Variants in GNAL observed in about 807,000 individuals in gnomAD.
GNAL encodes G protein subunit alpha L.
A neutral mutation model predicts 55.1 loss-of-function variants in GNAL; 18 were observed. The observed-to-expected ratio is 0.33, with a 90% CI of 0.23 to 0.48. The LOEUF (loss-of-function observed/expected upper bound fraction) is 0.48. GNAL is among the 20% of genes least tolerant of loss of function. The probability of loss-of-function intolerance (pLI) is 0.99; values close to 1 mark genes in which losing one functional copy is unlikely to be tolerated. For missense variants in GNAL, 412 were observed against 614.1 expected, an observed-to-expected ratio of 0.67 and a Z score of 3.48; for synonymous variants, 253 against 237.0, an observed-to-expected ratio of 1.07 and a Z score of -0.62.
At chr18:11,746,987 A>G in intron 1 of GNAL, 2 of 516,284 alleles carry the variant, frequency 3.9e-6, no homozygotes. Context: ...TTGGAAGAAC[A>G]CAGATAGCAT....
At chr18:11,771,406 A>G (rs1246386487) in intron 4 of GNAL, among the ~76,000 whole-genome samples, 1 of 152,100 alleles carries the variant, frequency 6.6e-6, no homozygotes, top group Non-Finnish European at 1.5e-5. Flanking sequence ...TTTTATATGA[A>G]CAGGCATTTC....
chr18:11,745,301 ATAATGG>A (rs2032665818), intron 1 of GNAL, among the ~76,000 whole-genome samples: 1 of 152,134 alleles, frequency 6.6e-6, no homozygotes, highest in Non-Finnish European at 1.5e-5. Flanking sequence ...GAGGCTCCTT[ATAATGG>A]GAAACAAATT....
At chr18:11,805,536 T>G (rs2034636839) in intron 4 of GNAL, among the ~76,000 whole-genome samples, 1 of 152,098 alleles carries the variant, frequency 6.6e-6, no homozygotes, top group Non-Finnish European at 1.5e-5. Context: ...GAGTCTCCTG[T>G]GTCCATCATT....
intron 4 of GNAL, among the ~76,000 whole-genome samples, chr18:11,820,444 G>T (rs1385619770): frequency 6.6e-6 from 1 of 152,050 alleles, no homozygotes; most frequent in Non-Finnish European, 1.5e-5. Context: ...TTGAGATAAT[G>T]GTATTACGGC....
At chr18:11,829,881 A>G (rs1458980687) in intron 5 of GNAL, among the ~76,000 whole-genome samples, 2 of 152,070 alleles carry the variant, frequency 1.3e-5, no homozygotes, top group African/African-American at 2.4e-5. Context: ...ATGGTGGCAC[A>G]CACCTGTAAT....
chr18:11,871,924 A>G (rs1463062922), intron 9 of GNAL, among the ~76,000 whole-genome samples: 1 of 152,192 alleles, frequency 6.6e-6, no homozygotes, highest in Admixed American at 6.5e-5. Context: ...TGTTTTTTGG[A>G]ATAGTTGCAT....
chr18:11,745,287 G>A lies in GNAL; in HGVS notation c.377-7566G>A, dbSNP rs555213838. 1.9e-4 allele frequency among the ~76,000 whole-genome samples: 29 copies of A among 152,210 alleles called. No individual in the cohort carries two copies. In the South Asian group the frequency reaches 5.6e-3, roughly 29 times the overall value. On this transcript the variant is annotated intron_variant, in intron 1 of 11. Transcript: ENST00000334049. ...AGTTGTTAATTAAATTTCTGCAGGGGTGGGAGGCTCCTTATAATGGGAAAC... is the reference window on the plus strand; with the variant it reads ...AGTTGTTAATTAAATTTCTGCAGGGATGGGAGGCTCCTTATAATGGGAAAC...
Position 11,751,643 on chromosome 18 carries a change from A to T in GNAL, c.377-1210A>T. 2 of 985,424 alleles carry T rather than the reference A, an allele frequency of 2.0e-6. No homozygotes were observed. The highest frequency in any genetic ancestry group is 9.4e-5 in the South Asian group (2 of 21,292). 61.0% of individuals were successfully genotyped at this position (985,424 alleles called of 1,614,324 possible). ...ACGCACTTTCCCGGCTCGGGGTGCA[A>T]GAGAGCCAGGCGGCCGCGGCGCAGC... On this transcript the variant is annotated intron_variant, in intron 1 of 11. Transcript: ENST00000334049. This position sits in a 1 kb window ranked among gnomAD's most constrained non-coding sequence, Gnocchi z 4.5.
intron 5 of GNAL, among the ~76,000 whole-genome samples, chr18:11,827,975 A>G (rs1234920074): frequency 4.4e-5 from 3 of 68,808 alleles, no homozygotes; most frequent in Admixed American, 3.3e-4. Flanking sequence ...CGTCTCAAGG[A>G]AAAAAAAAAA....
intron 4 of GNAL, among the ~76,000 whole-genome samples, chr18:11,793,651 C>T (rs2034296429): frequency 2.8e-5 from 4 of 140,868 alleles, no homozygotes; most frequent in South Asian, 2.2e-4. Flanking sequence ...AGGGGCCAGG[C>T]GCAGTGGCTC....
rs374545648 is a variant in GNAL at position 11,740,718 on chromosome 18, C to T, written c.377-12135C>T. Among the ~76,000 whole-genome samples the T allele has an allele frequency of 2.2e-4, 33 of 152,316 alleles. No homozygotes were observed. The East Asian group carries it at 4.4e-3, about 20-fold the overall frequency. The stretch of plus-strand genomic sequence containing the variant: ...TCTTCATTTGCTCAACCATACAATA[C>T]ATCTAAATTTGTTTCGGATTCGTGT... On this transcript the variant is annotated intron_variant, in intron 1 of 11. Transcript: ENST00000334049.
chr18:11,831,815 T>C (rs1423302246), intron 5 of GNAL, among the ~76,000 whole-genome samples: 1 of 152,194 alleles, frequency 6.6e-6, no homozygotes, highest in East Asian at 1.9e-4. Flanking sequence ...CTTGACCCAG[T>C]CGGTGGCCAT....
At chr18:11,784,715 G>A (rs190319019) in intron 4 of GNAL, among the ~76,000 whole-genome samples, 1 of 152,286 alleles carries the variant, frequency 6.6e-6, no homozygotes, top group East Asian at 1.9e-4. Context: ...ATGAATCTGA[G>A]TAAAAGAAAT....
chr18:11,709,259 C>G (rs2031782641), intron 1 of GNAL, among the ~76,000 whole-genome samples: 1 of 149,676 alleles, frequency 6.7e-6, no homozygotes, highest in Non-Finnish European at 1.5e-5. Flanking sequence ...TCTTCTTTCT[C>G]AAGATTACTT....
At chr18:11,722,389 T>C (rs927644546) in intron 1 of GNAL, among the ~76,000 whole-genome samples, 1 of 152,208 alleles carries the variant, frequency 6.6e-6, no homozygotes, top group African/African-American at 2.4e-5. Flanking sequence ...TTGTGAGTGG[T>C]AGGTCTGCTA....
At chr18:11,698,264 G>T (rs574327120) in intron 1 of GNAL, among the ~76,000 whole-genome samples, 8 of 152,078 alleles carry the variant, frequency 5.3e-5, no homozygotes, top group Non-Finnish European at 1.0e-4. Flanking sequence ...AGGCCGAGGC[G>T]GGTGGATCAT....
chr18:11,778,405 G>C (rs1381066376), intron 4 of GNAL, among the ~76,000 whole-genome samples: 1 of 152,184 alleles, frequency 6.6e-6, no homozygotes, highest in Non-Finnish European at 1.5e-5. Context: ...GTCAGCTGCA[G>C]GCTGAGCGAG....
rs576494865 is a variant in GNAL at position 11,803,654 on chromosome 18, G to A, written c.625-21264G>A. Among the ~76,000 whole-genome samples, 8 of 151,900 alleles carry A rather than the reference G, an allele frequency of 5.3e-5. No homozygotes were observed. In the East Asian group the frequency reaches 7.7e-4, roughly 15 times the overall value. ...ATGGAACACGGAGATACTGTGTAGT[G>A]GTGAAGTACAGGTGCAGTTTGGATG... On this transcript the variant is annotated intron_variant, in intron 4 of 11. Coordinates refer to ENST00000334049, the MANE Select transcript of GNAL (RefSeq NM_182978.4).
chr18:11,876,591 TA>T, intron 10 of GNAL, 29 bp from the exon 11 acceptor site: 2 of 1,372,678 alleles, frequency 1.5e-6, no homozygotes, highest in Non-Finnish European at 2.1e-6. Context: ...TCATGTTGCT[TA>T]AATAAAGTTC....
Sources: allele counts gnomAD v4.1 joint callset (sites outside exome capture counted in the v4.1 genomes callset), GRCh38; gene constraint gnomAD v4.1.1; non-coding constraint Gnocchi (gnomAD v3.1); transcripts MANE v1.5; gene names NCBI Gene and HGNC (gene_info 2026-07-23, HGNC 2026-07-21).